The following MAGI2 variants were observed in gnomAD, a reference collection of about 807,000 sequenced individuals.
The protein encoded by MAGI2 is membrane-associated guanylate kinase, WW and PDZ domain-containing protein 2.
MAGI2 carries 35 observed loss-of-function variants against 133.3 expected under a neutral mutation model. The ratio of observed to expected loss-of-function variants is 0.26; its 90% CI spans 0.20 to 0.35. The LOEUF (loss-of-function observed/expected upper bound fraction) is 0.35. MAGI2 is among the 10% of genes least tolerant of loss of function. MAGI2 has a pLI of 1.00. For missense variants in MAGI2, 1,636 were observed against 1,863.4 expected, an observed-to-expected ratio of 0.88 and a Z score of 2.25; for synonymous variants, 729 against 710.6, an observed-to-expected ratio of 1.03 and a Z score of -0.41.
chr7:78,785,135 C>T (rs533223654), intron 2 of MAGI2, among the ~76,000 whole-genome samples: 10 of 152,212 alleles, frequency 6.6e-5, no homozygotes, highest in African/African-American at 2.4e-4. Flanking sequence ...CACCCTAGAG[C>T]TTTGTTATAA....
At chr7:78,194,632 G>A (rs573041843) in intron 12 of MAGI2, among the ~76,000 whole-genome samples, 7 of 152,084 alleles carry the variant, frequency 4.6e-5, no homozygotes, top group South Asian at 2.1e-4. Flanking sequence ...ATATATTCCC[G>A]ATTTTCTTCA....
chr7:79,401,498 T>A (rs1004051708), intron 1 of MAGI2, among the ~76,000 whole-genome samples: 5 of 152,214 alleles, frequency 3.3e-5, no homozygotes, highest in African/African-American at 1.2e-4. Context: ...GCCTGTTTGT[T>A]ATTTGTTGAC....
At chr7:78,512,231 C>A (rs1010870324) in intron 4 of MAGI2, among the ~76,000 whole-genome samples, 1 of 151,772 alleles carries the variant, frequency 6.6e-6, no homozygotes, top group East Asian at 1.9e-4. Flanking sequence ...TGTAAACAAC[C>A]GCTTCCCTTT....
At position 79,007,074 on chromosome 7, in the gene MAGI2, T is replaced by C; in HGVS notation, c.418+16A>G. On this transcript the variant is annotated intron_variant, in intron 2 of 21. Coordinates refer to ENST00000354212, the MANE Select transcript of MAGI2 (RefSeq NM_012301.4). ...TCTCTCAACATAAAAATATTAATAC[T>C]GCCCATTGTACTCACATGGCACCGT... 1 of 1,494,808 alleles carries C rather than the reference T, an allele frequency of 6.7e-7. No homozygotes were observed. The highest frequency in any genetic ancestry group is 9.1e-7 in the Non-Finnish European group (1 of 1,094,350). 92.6% of individuals were successfully genotyped at this position (1,494,808 alleles called of 1,614,324 possible).
intron 9 of MAGI2, among the ~76,000 whole-genome samples, chr7:78,261,394 A>C (rs190335191): frequency 6.8e-4 from 103 of 151,934 alleles, no homozygotes; most frequent in Middle Eastern, 3.4e-3. Flanking sequence ...ATCTTCCATC[A>C]CTCTTCCTGA....
intron 1 of MAGI2, among the ~76,000 whole-genome samples, chr7:79,152,509 A>G (rs996478696): frequency 1.6e-4 from 24 of 152,232 alleles, no homozygotes; most frequent in Admixed American, 1.6e-3. Flanking sequence ...AGTAAGTGCT[A>G]TTTGGCTACA....
chr7:78,608,488 CGT>C (rs1385849123), intron 3 of MAGI2, among the ~76,000 whole-genome samples: 2 of 148,558 alleles, frequency 1.3e-5, no homozygotes, highest in African/African-American at 5.1e-5. Context: ...TATATATATA[CGT>C]ATATATAGAA....
intron 2 of MAGI2, among the ~76,000 whole-genome samples, chr7:78,885,997 T>C (rs1796231747): frequency 6.6e-6 from 1 of 152,204 alleles, no homozygotes; most frequent in African/African-American, 2.4e-5. Context: ...AATCTACTGC[T>C]GTAAGACAGC....
chr7:78,381,954 A>G (rs1417978323), intron 6 of MAGI2, among the ~76,000 whole-genome samples: 1 of 152,222 alleles, frequency 6.6e-6, no homozygotes, highest in Non-Finnish European at 1.5e-5. Flanking sequence ...ATTTCTCTAC[A>G]GTTTTATCTT....
At chr7:78,966,850 T>C (rs1458508021) in intron 2 of MAGI2, among the ~76,000 whole-genome samples, 1 of 151,812 alleles carries the variant, frequency 6.6e-6, no homozygotes, top group Non-Finnish European at 1.5e-5. Context: ...TTTTTTTTTT[T>C]TTTTAGATAA....
At chr7:78,280,611 A>G in intron 9 of MAGI2, among the ~76,000 whole-genome samples, 1 of 152,044 alleles carries the variant, frequency 6.6e-6, no homozygotes. Flanking sequence ...AAGTATCACT[A>G]CCTCCATTTT....
At chr7:79,359,670 A>T (rs938459375) in intron 1 of MAGI2, among the ~76,000 whole-genome samples, 2 of 25,642 alleles carry the variant, frequency 7.8e-5, no homozygotes, top group Non-Finnish European at 1.2e-4. Flanking sequence ...CAAGTGGGAA[A>T]CACACACACA....
chr7:78,651,786 G>C (rs1464073547), intron 2 of MAGI2, among the ~76,000 whole-genome samples: 1 of 151,860 alleles, frequency 6.6e-6, no homozygotes, highest in African/African-American at 2.4e-5. Context: ...TGAGTATGAG[G>C]GTCCTTTTAA....
rs988657515 is a variant in MAGI2 at position 78,072,798 on chromosome 7, G to A, written c.3706+6149C>T. 7.6e-6 allele frequency: 3 copies of A among 396,822 alleles called. No individual in the cohort carries two copies. In the Admixed American group the frequency reaches 1.3e-4, roughly 18 times the overall value. 24.6% of individuals were successfully genotyped at this position (396,822 alleles called of 1,614,324 possible). On this transcript the variant is annotated intron_variant, in intron 21 of 21. Transcript: ENST00000354212. ...TGTGCTTAAGTGATCCTCCTGAGTA[G>A]CTGGGACCACAGGAGTATGCCACCA...
chr7:79,353,575 C>T (rs944419040), intron 1 of MAGI2: 5 of 434,912 alleles, frequency 1.1e-5, no homozygotes, highest in Non-Finnish European at 1.4e-5. Context: ...CTCAGGCCTG[C>T]TGTCTGGAGC....
rs1283035925 is a variant in MAGI2, at chr7:78,019,830, T to C, written c.3853A>G (p.Thr1285Ala). The change falls in exon 22 of 22, where the codon ACT becomes GCT. Residue 1285 changes from threonine (T) to alanine (A), a missense_variant. Coordinates refer to ENST00000354212, the MANE Select transcript of MAGI2 (RefSeq NM_012301.4). ...DPSHQISPGP[T>A]WDIKREHDVR... The stretch of plus-strand genomic sequence containing the variant: ...TCGTGTTCCCGTTTGATATCCCAAG[T>C]TGGGCCTGGGCTTATCTGGTGGGAA... 4.3e-6 allele frequency: 7 copies of C among 1,613,504 alleles called. No individual in the cohort carries two copies. Among genetic ancestry groups the C allele is most frequent in the Admixed American group, 1.7e-5 (1 of 60,010 alleles).
chr7:78,188,200 C>T (rs577090479), intron 12 of MAGI2, among the ~76,000 whole-genome samples: 27 of 152,174 alleles, frequency 1.8e-4, no homozygotes, highest in Admixed American at 4.6e-4. Context: ...GAAATATAAA[C>T]GTTACCACAG....
chr7:79,313,807 T>C (rs1369584732), intron 1 of MAGI2, among the ~76,000 whole-genome samples: 6 of 150,650 alleles, frequency 4.0e-5, no homozygotes, highest in Admixed American at 1.3e-4. Context: ...ATTTACTTTT[T>C]TTTTTTTTTT....
chr7:78,463,756 T>A (rs2885557), intron 6 of MAGI2, among the ~76,000 whole-genome samples: 5 of 151,516 alleles, frequency 3.3e-5, no homozygotes, highest in Non-Finnish European at 5.9e-5. Context: ...ATAAAGACTG[T>A]CATTATTTTT....
Sources: gnomAD v4.1 joint callset for allele counts (sites outside exome capture counted in the v4.1 genomes callset) on GRCh38, gnomAD v4.1.1 for gene constraint, MANE v1.5 for transcripts, NCBI Gene and HGNC (gene_info 2026-07-23, HGNC 2026-07-21) for gene names.